The following PLA2G4B variants were observed in gnomAD, a reference collection of about 807,000 sequenced individuals.
PLA2G4B encodes phospholipase A2 group IVB, also known as cytosolic phospholipase A2 beta.
A neutral mutation model predicts 95.8 loss-of-function variants in PLA2G4B; 122 were observed. The observed-to-expected ratio is 1.27, with a 90% CI of 1.10 to 1.48. The LOEUF (loss-of-function observed/expected upper bound fraction) is 1.48. Ranked by LOEUF, PLA2G4B falls within the 40% of genes most tolerant of loss-of-function variation. The pLI is 0.00. For synonymous variants in PLA2G4B, 518 were observed against 421.5 expected (o/e 1.23, Z -2.80); for missense variants, 1,158 against 996.2 (o/e 1.16, Z -2.19).
chr15:41,839,051 C>T, intron 1 of PLA2G4B, 129 bp downstream of exon 1: 1 of 718,574 alleles, frequency 1.4e-6, no homozygotes, highest in Non-Finnish European at 2.3e-6. Context: ...GACCACAAGA[C>T]CAGGGTAGCG....
rs1210555948 is a variant in PLA2G4B, at chr15:41,847,864, C to T, written c.*4C>T. The stretch of plus-strand genomic sequence containing the variant: ...GCGGCAGCGCAGGCCCCACTGATGG[C>T]CGGGGCCCCTGCCACCCCTAACTCT... On this transcript the variant is annotated 3_prime_UTR_variant, in exon 20 of 20. Coordinates refer to ENST00000458483, the MANE Select transcript of PLA2G4B (RefSeq NM_001114633.2). The T allele has an allele frequency of 1.2e-6, 2 of 1,611,298 alleles. No individual in the cohort carries two copies. Among genetic ancestry groups the T allele is most frequent in the Admixed American group, 1.7e-5 (1 of 59,880 alleles).
chr15:41,841,419 T>A, intron 6 of PLA2G4B, 98 bp from the exon 7 acceptor site: 1 of 1,609,198 alleles, frequency 6.2e-7, no homozygotes, highest in Non-Finnish European at 8.5e-7. Flanking sequence ...AGGGCCCAGG[T>A]AATGAAGTGC....
At chr15:41,847,569 A>C (rs1330442576) in intron 19 of PLA2G4B, 46 bp downstream of exon 19, 1 of 1,604,152 alleles carries the variant, frequency 6.2e-7, no homozygotes, top group Non-Finnish European at 8.5e-7. Context: ...AGTCCCCCAC[A>C]CCTCCTCCGT....
chr15:41,839,064 C>A, intron 1 of PLA2G4B, 142 bp downstream of exon 1: 1 of 627,112 alleles, frequency 1.6e-6, no homozygotes, highest in Non-Finnish European at 2.7e-6. Flanking sequence ...GGGTAGCGGG[C>A]AGAAGCCAGG....
In PLA2G4B at chr15:41,846,716, C is replaced by T. The variant is rs765425966; in HGVS notation, c.1828C>T (p.His610Tyr). ...LPNQLTPSEP[H>Y]LCLLDVGYLI... ...CAACCAGCTGACACCCTCGGAGCCC[C>T]ACCTGTGCCTGCTGGATGTTGGCTA... Residue 610 changes from histidine (H) to tyrosine (Y), a missense_variant, in exon 18 of 20, where the codon CAC (histidine) becomes TAC (tyrosine). Transcript: ENST00000458483. 4.3e-6 allele frequency: 7 copies of T among 1,613,834 alleles called. No homozygotes were observed. The Admixed American group carries it at 5.0e-5, about 12-fold the overall frequency.
At chr15:41,842,665 GAGTGAGGGGGAGAAACAGCCGCCCCTC>G (rs1298769620) in intron 10 of PLA2G4B, 74 bp downstream of exon 10, 1 of 1,572,840 alleles carries the variant, frequency 6.4e-7, no homozygotes, top group Non-Finnish European at 8.6e-7. Flanking sequence ...AGGCCTGGAG[GAGTGAGGGGGAGAAACAGCCGCCCCTC>G]ATCCTCATGC....
intron 14 of PLA2G4B, 121 bp from the exon 15 acceptor site, chr15:41,845,517 C>T (rs564213941): frequency 3.7e-4 from 566 of 1,512,158 alleles, no homozygotes; most frequent in Non-Finnish European, 4.7e-4. Context: ...GCACGAAGCC[C>T]AGGCCACAAG....
chr15:41,841,002 CAT>C (rs2065420402), intron 4 of PLA2G4B, 51 bp from the exon 5 acceptor site: 23 of 1,571,234 alleles, frequency 1.5e-5, no homozygotes, highest in Middle Eastern at 3.4e-4. Context: ...TACTCACTGA[CAT>C]ATGTGCACTC....
At chr15:41,843,927 C>T in intron 11 of PLA2G4B, 116 bp downstream of exon 11, 1 of 1,457,372 alleles carries the variant, frequency 6.9e-7, no homozygotes, top group South Asian at 1.4e-5. Flanking sequence ...TGCCTGTCCC[C>T]ACCCTGCTTC....
intron 13 of PLA2G4B, 31 bp downstream of exon 13, chr15:41,845,101 A>AG: frequency 6.3e-6 from 10 of 1,598,424 alleles, no homozygotes; most frequent in Non-Finnish European, 8.5e-6. Context: ...GGGCAGAGCC[A>AG]GGGCAAGGGC....
chr15:41,842,581 A>C lies in PLA2G4B; in HGVS notation c.733A>C (p.Lys245Gln), dbSNP rs2065454206. 2 of 1,607,174 alleles carry C rather than the reference A, an allele frequency of 1.2e-6. No homozygotes were observed. The highest frequency in any genetic ancestry group is 1.7e-6 in the Non-Finnish European group (2 of 1,178,236). Residue 245 changes from lysine (K) to glutamine (Q), a missense_variant, in exon 10 of 20, where the codon AAA (lysine) becomes CAA (glutamine). Physicochemically the swap from Lys to Gln is moderately conservative, Grantham distance 53. Coordinates refer to ENST00000458483, the MANE Select transcript of PLA2G4B (RefSeq NM_001114633.2). The stretch of plus-strand genomic sequence containing the variant: ...GCCCCTGATGAGAGTGGAGCTGAAA[A>C]AAGAAGCAGGGTGAGAGGCCTGGCT... ...QEPLMRVELK[K>Q]EAGLRELAVR...
rs751328208 is a variant in PLA2G4B at position 41,846,656 on chromosome 15, C to A, written c.1781-13C>A. 23 of 1,597,738 alleles carry A rather than the reference C, an allele frequency of 1.4e-5. No individual in the cohort carries two copies. The highest frequency in any genetic ancestry group is 1.7e-6 in the Non-Finnish European group (2 of 1,169,256). On this transcript the variant is annotated splice_polypyrimidine_tract_variant and intron_variant, in intron 17 of 19. Coordinates refer to ENST00000458483, the MANE Select transcript of PLA2G4B (RefSeq NM_001114633.2). ...GGTATCTGTGACAATTGCTGCTCTCCCCAACCTTCCAGCTACCACTCTGGA... is the reference window on the plus strand; with the variant it reads ...GGTATCTGTGACAATTGCTGCTCTCACCAACCTTCCAGCTACCACTCTGGA...
chr15:41,840,566 C>A lies in PLA2G4B; in HGVS notation c.125C>A (p.Ala42Asp). 6.2e-7 allele frequency: 1 copy of A among 1,613,886 alleles called. No homozygotes were observed. The highest frequency in any genetic ancestry group is 8.5e-7 in the Non-Finnish European group (1 of 1,180,022). Residue 42 changes from alanine to aspartate, a missense_variant, in exon 3 of 20, where the codon GCC becomes GAC. By Grantham distance (126) the Ala-to-Asp change is moderately radical (BLOSUM62 -2). Coordinates refer to ENST00000458483, the MANE Select transcript of PLA2G4B (RefSeq NM_001114633.2). ...DCYVTLWLPT[A>D]CSHRLQTRTV... ...TACGTGACTCTCTGGCTGCCCACGG[C>A]CTGCAGCCACAGGCTCCAGACACGC...
At chr15:41,841,475 G>C in intron 6 of PLA2G4B, 42 bp from the exon 7 acceptor site, 3 of 1,613,802 alleles carry the variant, frequency 1.9e-6, no homozygotes, top group Non-Finnish European at 2.5e-6. Flanking sequence ...TCCCTGAATG[G>C]GGGGTGGGGT....
intron 14 of PLA2G4B, 89 bp from the exon 15 acceptor site, chr15:41,845,549 G>C: frequency 6.4e-7 from 1 of 1,558,064 alleles, no homozygotes; most frequent in South Asian, 1.2e-5. Flanking sequence ...CTGGTCCTCA[G>C]CTGCCCTAAA....
chr15:41,844,716 A>C, intron 12 of PLA2G4B, 109 bp downstream of exon 12: 1 of 1,582,890 alleles, frequency 6.3e-7, no homozygotes, highest in Non-Finnish European at 8.6e-7. Flanking sequence ...TGAATGTGCC[A>C]GGGAGAAACG....
In PLA2G4B at chr15:41,842,589, A is replaced by G; in HGVS notation, c.741A>G (p.Ala247=). 2 of 1,607,136 alleles carry G rather than the reference A, an allele frequency of 1.2e-6. No homozygotes were observed. Among genetic ancestry groups the G allele is most frequent in the Non-Finnish European group, 8.5e-7 (1 of 1,178,256 alleles). The change falls in exon 10 of 20, where the codon GCA becomes GCG. Residue 247 remains alanine (A), a splice_region_variant and synonymous_variant. Coordinates refer to ENST00000458483, the MANE Select transcript of PLA2G4B (RefSeq NM_001114633.2). The part of the protein sequence containing the change: ...PLMRVELKKE[A]GLRELAVRLG... ...TGAGAGTGGAGCTGAAAAAAGAAGC[A>G]GGGTGAGAGGCCTGGCTGGGGACTG...
At chr15:41,841,009 G>A (rs774117508) in intron 4 of PLA2G4B, 46 bp from the exon 5 acceptor site, 8 of 1,570,650 alleles carry the variant, frequency 5.1e-6, no homozygotes, top group Non-Finnish European at 6.9e-6. Context: ...TGACATATGT[G>A]CACTCCTTCT....
At position 41,840,824 on chromosome 15, in the gene PLA2G4B, C is replaced by A. The variant is rs2065415979; in HGVS notation, c.270C>A (p.Asp90Glu). 2.5e-6 allele frequency: 4 copies of A among 1,614,116 alleles called. No homozygotes were observed. The highest frequency in any genetic ancestry group is 3.4e-6 in the Non-Finnish European group (4 of 1,180,020). The change falls in exon 4 of 20, where the codon GAC becomes GAA. Residue 90 changes from aspartate to glutamate, a missense_variant. Transcript: ENST00000458483. Reference protein sequence around the residue: ...VFDQDLVTGDDPVLSVLFDAG... With the variant: ...VFDQDLVTGDEPVLSVLFDAG... ...ACCAGGACCTGGTGACCGGAGATGA[C>A]CCTGTGTTGTCAGTACTGTTTGATG...
Sources: allele counts gnomAD v4.1 joint callset, GRCh38; gene constraint gnomAD v4.1.1; transcripts MANE v1.5; gene names NCBI Gene and HGNC (gene_info 2026-07-23, HGNC 2026-07-21).